The following ADSL variants were observed in gnomAD, a reference collection of about 807,000 sequenced individuals.
The protein encoded by ADSL is adenylosuccinate lyase, also known as adenylosuccinase.
ADSL carries 44 observed loss-of-function variants against 62.1 expected under a neutral mutation model. The ratio of observed to expected loss-of-function variants is 0.71; its 90% CI spans 0.56 to 0.91. ADSL has a LOEUF of 0.91. ADSL is among the 40% of genes least tolerant of loss of function. The pLI is 0.00. For missense variants in ADSL, 531 were observed against 627.4 expected (o/e 0.85, Z 1.64); for synonymous variants, 198 against 220.5 (o/e 0.90, Z 0.90).
intron 9 of ADSL, among the ~76,000 whole-genome samples, chr22:40,362,666 G>A (rs2044838109): frequency 6.6e-6 from 1 of 152,220 alleles, no homozygotes; most frequent in Non-Finnish European, 1.5e-5. Context: ...TGAGGCAGGA[G>A]CTACAAGGGA....
At chr22:40,357,992 G>A (rs2146650813) in intron 4 of ADSL, among the ~76,000 whole-genome samples, 1 of 151,976 alleles carries the variant, frequency 6.6e-6, no homozygotes, top group South Asian at 2.1e-4. Context: ...TGGCCACGCT[G>A]GTCTCGAACT....
At chr22:40,387,438 A>G (rs897935545) in intron 2 of ADSL, 3 of 372,248 alleles carry the variant, frequency 8.1e-6, no homozygotes, top group African/African-American at 6.2e-5. Context: ...TAGTTTAATT[A>G]TATGAAAAAT....
rs1432902070 is a variant in ADSL, at chr22:40,349,830, A to C, written c.154-2A>C. On this transcript the variant is annotated splice_acceptor_variant, in intron 1 of 12. Transcript: ENST00000623063. LOFTEE classifies it high-confidence loss of function. ...TTTTATTTTATTTTGCCTATTCTGC[A>C]GACATTGGGTTTGCCTATCACAGAT... The C allele has an allele frequency of 3.7e-6, 6 of 1,613,638 alleles. No homozygotes were observed. Among genetic ancestry groups the C allele is most frequent in the Non-Finnish European group, 5.1e-6 (6 of 1,179,610 alleles).
downstream of ADSL, among the ~76,000 whole-genome samples, chr22:40,372,081 A>G (rs1387994913): frequency 4.1e-5 from 6 of 147,444 alleles, no homozygotes; most frequent in South Asian, 8.6e-4. Flanking sequence ...CCTAATTATC[A>G]TAGTAGCCTG....
At chr22:40,348,389 A>G (rs1569085416) in intron 1 of ADSL, 2 of 397,712 alleles carry the variant, frequency 5.0e-6, no homozygotes, top group Non-Finnish European at 8.8e-6. Context: ...TTTTATTTAT[A>G]TATTTAGGTT....
Position 40,364,952 on chromosome 22 carries a change from G to T in ADSL, c.1264G>T (p.Asp422Tyr), listed in dbSNP as rs119450943. The T allele has an allele frequency of 6.8e-6, 11 of 1,614,140 alleles. No homozygotes were observed. Among genetic ancestry groups the T allele is most frequent in the South Asian group, 1.1e-5 (1 of 91,076 alleles). ...GGTTAAGCAGGAAGGGGGTGACAAT[G>T]ACCTCATAGAGCGTATCCAGGTTGA... ...SVVKQEGGDN[D>Y]LIERIQVDAY... The change falls in exon 12 of 13, where the codon GAC becomes TAC. Residue 422 changes from aspartate (D) to tyrosine (Y), a missense_variant. By Grantham distance (160) the Asp-to-Tyr change is radical. Coordinates refer to ENST00000623063, the MANE Select transcript of ADSL (RefSeq NM_000026.4).
intron 2 of ADSL, among the ~76,000 whole-genome samples, chr22:40,382,472 G>A (rs562974278): frequency 3.9e-5 from 6 of 152,170 alleles, no homozygotes; most frequent in Admixed American, 2.0e-4. Flanking sequence ...ACTGTTGGCC[G>A]GAGCACCTAT....
chr22:40,362,909 T>A, intron 9 of ADSL, 72 bp from the exon 10 acceptor site: 3 of 1,383,788 alleles, frequency 2.2e-6, no homozygotes, highest in Non-Finnish European at 3.1e-6. Context: ...TAGGGCAACT[T>A]GTTGGGACAC....
At chr22:40,360,794 C>G (rs2044753803) in intron 7 of ADSL, among the ~76,000 whole-genome samples, 1 of 150,992 alleles carries the variant, frequency 6.6e-6, no homozygotes, top group Admixed American at 6.6e-5. Flanking sequence ...ATGATCTCGG[C>G]TCACTGCAAC....
At chr22:40,369,585 C>T (rs1340489828), downstream of ADSL, among the ~76,000 whole-genome samples, 1 of 151,736 alleles carries the variant, frequency 6.6e-6, no homozygotes, top group African/African-American at 2.4e-5. Context: ...TTCACTGCAG[C>T]CTTGATTTCC....
At chr22:40,366,227 G>A (rs928657879) in intron 12 of ADSL, among the ~76,000 whole-genome samples, 2 of 152,268 alleles carry the variant, frequency 1.3e-5, no homozygotes, top group Non-Finnish European at 2.9e-5. Context: ...GCCAGTTTGC[G>A]GGAAAGGTTG....
At position 40,367,990 on chromosome 22, in the gene ADSL, T is replaced by C. The variant is rs2045052027; in HGVS notation, c.*1468T>C. On this transcript the variant is annotated 3_prime_UTR_variant, in exon 13 of 13. Coordinates refer to ENST00000623063, the MANE Select transcript of ADSL (RefSeq NM_000026.4). ...ACCAGAGGCTTACTGCTCCGCACTC[T>C]TGGCATTACATTCAATTTTGGATAC... The C allele has an allele frequency of 6.6e-6, 1 of 152,252 alleles. No individual in the cohort carries two copies. The highest frequency in any genetic ancestry group is 1.9e-4 in the East Asian group (1 of 5,206). 9.4% of individuals were successfully genotyped at this position (152,252 alleles called of 1,614,324 possible).
intron 10 of ADSL, among the ~76,000 whole-genome samples, chr22:40,363,749 A>C (rs2044885535): frequency 6.6e-6 from 1 of 151,956 alleles, no homozygotes; most frequent in South Asian, 2.1e-4. Flanking sequence ...AAAAAAAAAA[A>C]AAACCTCTTC....
chr22:40,357,145 C>A (rs945177253), intron 4 of ADSL, among the ~76,000 whole-genome samples: 1 of 152,108 alleles, frequency 6.6e-6, no homozygotes, highest in Non-Finnish European at 1.5e-5. Context: ...ATCCACCTGC[C>A]TCGGCCTCCC....
At chr22:40,387,373 A>G (rs2048647464) in intron 2 of ADSL, 1 of 392,144 alleles carries the variant, frequency 2.6e-6, no homozygotes, top group Non-Finnish European at 4.5e-6. Context: ...CGGTAATTAT[A>G]TAGATGGTAA....
chr22:40,375,592 AAG>A (rs1437205514), intron 2 of ADSL, among the ~76,000 whole-genome samples: 1 of 151,974 alleles, frequency 6.6e-6, no homozygotes, highest in African/African-American at 2.4e-5. Context: ...AAAAAAAAAA[AAG>A]AGATTGACAC....
intron 2 of ADSL, among the ~76,000 whole-genome samples, chr22:40,376,085 G>A (rs768573883): frequency 6.3e-5 from 9 of 143,708 alleles, no homozygotes; most frequent in Middle Eastern, 4.0e-3. Context: ...TGAAAGAACA[G>A]ATCATTTCCC....
intron 2 of ADSL, among the ~76,000 whole-genome samples, chr22:40,385,450 G>C (rs1020967787): frequency 6.6e-6 from 1 of 152,138 alleles, no homozygotes; most frequent in African/African-American, 2.4e-5. Flanking sequence ...GATGCACAAA[G>C]GAAAAGAGTA....
At chr22:40,373,805 G>A (rs533342254), downstream of ADSL, among the ~76,000 whole-genome samples, 3 of 152,052 alleles carry the variant, frequency 2.0e-5, no homozygotes, top group East Asian at 1.9e-4. Flanking sequence ...TAGTAGAGAC[G>A]AGGTTTCACC....
Sources: gnomAD v4.1 joint callset for allele counts (sites outside exome capture counted in the v4.1 genomes callset) on GRCh38, gnomAD v4.1.1 for gene constraint, MANE v1.5 for transcripts, NCBI Gene and HGNC (gene_info 2026-07-23, HGNC 2026-07-21) for gene names.